Variants in RAB11FIP3 observed in about 807,000 individuals in gnomAD.
RAB11FIP3 encodes rab11 family-interacting protein 3.
Under a neutral mutation model 77.8 loss-of-function variants are expected in RAB11FIP3, and 17 were observed. That is an observed-to-expected ratio of 0.22 (90% CI 0.15 to 0.33). The LOEUF is 0.33. Ranked by LOEUF, RAB11FIP3 falls within the 10% of genes least tolerant of loss-of-function variation. The pLI is 1.00. For synonymous variants in RAB11FIP3, 437 were observed against 448.2 expected (o/e 0.98, Z 0.31); for missense variants, 1,005 against 1,011.2 (o/e 0.99, Z 0.08).
intron 5 of RAB11FIP3, chr16:491,409 C>CAG: frequency 2.3e-6 from 2 of 881,676 alleles, no homozygotes; most frequent in Non-Finnish European, 1.5e-6. Context: ...CCGCCTCCCA[C>CAG]CCTGCACGCT....
chr16:447,014 TAA>T (rs1291031591), intron 1 of RAB11FIP3, among the ~76,000 whole-genome samples: 2 of 151,886 alleles, frequency 1.3e-5, no homozygotes, highest in East Asian at 3.9e-4. Context: ...AACATTTTTT[TAA>T]GAGACGGGCT....
rs1177456149 is a variant in RAB11FIP3, at chr16:506,207, A to G, written c.1499+580A>G. 6.6e-6 allele frequency among the ~76,000 whole-genome samples: 1 copy of G among 151,760 alleles called. No homozygotes were observed. Among genetic ancestry groups the G allele is most frequent in the East Asian group, 1.9e-4 (1 of 5,136 alleles). On this transcript the variant is annotated intron_variant, in intron 8 of 13. Coordinates refer to ENST00000262305, the MANE Select transcript of RAB11FIP3 (RefSeq NM_014700.4). The surrounding 1 kb of genome is among the most constrained non-coding windows in gnomAD (Gnocchi z 4.5). ...ACTCTGGTTTGCAGACTTTTCTTAGAATACCGTGTAATTCTCGGTGTTTTT... is the reference window on the plus strand; with the variant it reads ...ACTCTGGTTTGCAGACTTTTCTTAGGATACCGTGTAATTCTCGGTGTTTTT...
chr16:467,183 T>C (rs3785302), intron 2 of RAB11FIP3, among the ~76,000 whole-genome samples: 12,310 of 152,110 alleles, frequency 0.081, 959 homozygotes, highest in African/African-American at 0.19. Context: ...TGAGAACGTC[T>C]GGGATGGGAA....
chr16:431,345 A>G lies in RAB11FIP3; in HGVS notation c.714+4625A>G, dbSNP rs369047451. On this transcript the variant is annotated intron_variant, in intron 1 of 13. Coordinates refer to ENST00000262305, the MANE Select transcript of RAB11FIP3 (RefSeq NM_014700.4). Reference sequence around the variant, plus strand: ...CAATAATCCCACTATCCTGAGAAAAATAACATTCCCATTATTTTACTACAT... The same window carrying G: ...CAATAATCCCACTATCCTGAGAAAAGTAACATTCCCATTATTTTACTACAT... 1.4e-4 allele frequency among the ~76,000 whole-genome samples: 22 copies of G among 152,258 alleles called. 1 individual carries two copies. The highest frequency in any genetic ancestry group is 5.3e-4 in the African/African-American group (22 of 41,554).
rs112411269 is a variant in RAB11FIP3, at chr16:483,121, G to A, written c.1115+385G>A. ...CCTGTCCCCCACCCTCAGGATTTCT[G>A]TAGCCCCCGTATTTCGAGCTAGTTG... On this transcript the variant is annotated intron_variant, in intron 4 of 13. Coordinates refer to ENST00000262305, the MANE Select transcript of RAB11FIP3 (RefSeq NM_014700.4). 4.0e-3 allele frequency among the ~76,000 whole-genome samples: 604 copies of A among 152,270 alleles called. 6 individuals carry two copies. Among genetic ancestry groups the A allele is most frequent in the African/African-American group, 0.014 (571 of 41,536 alleles).
intron 2 of RAB11FIP3, among the ~76,000 whole-genome samples, chr16:462,065 T>C (rs1348595793): frequency 2.0e-5 from 3 of 152,248 alleles, no homozygotes; most frequent in Non-Finnish European, 2.9e-5. Flanking sequence ...CCTGCTCCTC[T>C]GTGAGCTCCG....
intron 1 of RAB11FIP3, among the ~76,000 whole-genome samples, chr16:452,600 A>G (rs1374516481): frequency 7.1e-6 from 1 of 141,686 alleles, no homozygotes; most frequent in Admixed American, 7.0e-5. Flanking sequence ...ACGCCCGGCT[A>G]ATTTTTTGTA....
intron 1 of RAB11FIP3, among the ~76,000 whole-genome samples, chr16:431,482 C>A (rs939897566): frequency 1.3e-4 from 19 of 151,776 alleles, no homozygotes; most frequent in African/African-American, 4.6e-4. Flanking sequence ...TGGGTTCAAG[C>A]GATTGTCTTG....
intron 6 of RAB11FIP3, 54 bp from the exon 7 acceptor site, chr16:502,950 G>A: frequency 1.4e-6 from 2 of 1,385,614 alleles, no homozygotes; most frequent in Non-Finnish European, 2.1e-6. Flanking sequence ...TGCTGACGGA[G>A]CATGTCCTGT....
chr16:451,767 G>A (rs1192852931), intron 1 of RAB11FIP3, among the ~76,000 whole-genome samples: 3 of 150,456 alleles, frequency 2.0e-5, no homozygotes, highest in South Asian at 2.1e-4. Flanking sequence ...CCAGGGAAGC[G>A]GAGGTTACAG....
intron 9 of RAB11FIP3, 121 bp from the exon 10 acceptor site, chr16:518,822 G>C: frequency 1.1e-6 from 1 of 914,416 alleles, no homozygotes; most frequent in Non-Finnish European, 1.8e-6. Flanking sequence ...GGCCCTGGTC[G>C]TTTGGGGGCG....
At position 471,402 on chromosome 16, in the gene RAB11FIP3, C is replaced by T. The variant is rs780283640; in HGVS notation, c.903+13C>T. ...CGTCACCTATGAGGCAAGTGGTTTT[C>T]ACCCAGGAGCTTGGGGGAAGTCTGG... On this transcript the variant is annotated intron_variant, in intron 3 of 13. Coordinates refer to ENST00000262305, the MANE Select transcript of RAB11FIP3 (RefSeq NM_014700.4). The surrounding 1 kb of genome is among the most constrained non-coding windows in gnomAD (Gnocchi z 4.4). 3.1e-6 allele frequency: 5 copies of T among 1,588,104 alleles called. No individual in the cohort carries two copies. The Admixed American group carries it at 6.8e-5, about 22-fold the overall frequency.
rs2055813597 is a variant in RAB11FIP3, at chr16:471,759, C to T, written c.903+370C>T. Among the ~76,000 whole-genome samples the T allele has an allele frequency of 6.6e-6, 1 of 152,138 alleles. No individual in the cohort carries two copies. The highest frequency in any genetic ancestry group is 6.5e-5 in the Admixed American group (1 of 15,268). On this transcript the variant is annotated intron_variant, in intron 3 of 13. Coordinates refer to ENST00000262305, the MANE Select transcript of RAB11FIP3 (RefSeq NM_014700.4). The surrounding 1 kb of genome is among the most constrained non-coding windows in gnomAD (Gnocchi z 4.4). ...TGTGTTTGGGGATGCCTGACTAATG[C>T]CTGCCCCTGCTTGGCTGTCCTCCAC...
Position 520,281 on chromosome 16 carries a change from G to T in RAB11FIP3, c.2016+4G>T. The T allele has an allele frequency of 6.5e-7, 1 of 1,543,790 alleles. No homozygotes were observed. The highest frequency in any genetic ancestry group is 8.7e-7 in the Non-Finnish European group (1 of 1,146,274). ...GGAGGTCCGCAGGCTGAAGCAGGTG[G>T]GCAGGCCTGGGCCTCCCTCCCTCAC... On this transcript the variant is annotated splice_donor_region_variant and intron_variant, in intron 12 of 13. Transcript: ENST00000262305.
At chr16:481,401 C>G in intron 3 of RAB11FIP3, among the ~76,000 whole-genome samples, 1 of 152,156 alleles carries the variant, frequency 6.6e-6, no homozygotes, top group East Asian at 1.9e-4. Context: ...TTCCCAGCTA[C>G]TCAGGAGGCT....
Position 505,081 on chromosome 16 carries a change from G to A in RAB11FIP3, c.1396-443G>A, listed in dbSNP as rs1023597757. Among the ~76,000 whole-genome samples the A allele has an allele frequency of 7.3e-5, 11 of 150,064 alleles. No homozygotes were observed. The highest frequency in any genetic ancestry group is 1.6e-4 in the Non-Finnish European group (11 of 67,644). On this transcript the variant is annotated intron_variant, in intron 7 of 13. Transcript: ENST00000262305. This position sits in a 1 kb window ranked among gnomAD's most constrained non-coding sequence, Gnocchi z 4.0. ...TCCCTTCACTCCTTCTCCTACCTCCGCAGGTGTCTGATTCTCATCTTGGTG... is the reference window on the plus strand; with the variant it reads ...TCCCTTCACTCCTTCTCCTACCTCCACAGGTGTCTGATTCTCATCTTGGTG...
At chr16:431,727 C>A (rs866113895) in intron 1 of RAB11FIP3, among the ~76,000 whole-genome samples, 13 of 151,684 alleles carry the variant, frequency 8.6e-5, no homozygotes, top group African/African-American at 3.1e-4. Flanking sequence ...TATAAAAGTA[C>A]ACAATTGAGA....
At chr16:508,744 A>T (rs1013083134) in intron 8 of RAB11FIP3, among the ~76,000 whole-genome samples, 1 of 152,206 alleles carries the variant, frequency 6.6e-6, no homozygotes, top group Non-Finnish European at 1.5e-5. Flanking sequence ...TTATTTCACC[A>T]TGCGGCCTCT....
At chr16:457,297 A>G (rs190265012) in intron 1 of RAB11FIP3, among the ~76,000 whole-genome samples, 1 of 152,276 alleles carries the variant, frequency 6.6e-6, no homozygotes, top group African/African-American at 2.4e-5. Context: ...TAGTAGGAAC[A>G]ATGCAATTTG....
Sources: gnomAD v4.1 joint callset for allele counts (sites outside exome capture counted in the v4.1 genomes callset) on GRCh38, gnomAD v4.1.1 for gene constraint, Gnocchi (gnomAD v3.1) non-coding constraint, MANE v1.5 for transcripts, NCBI Gene and HGNC (gene_info 2026-07-23, HGNC 2026-07-21) for gene names.